The following HMGB1 variants were observed in gnomAD, a reference collection of about 807,000 sequenced individuals.
The protein encoded by HMGB1 is high mobility group protein B1.
For missense variants in HMGB1, 79 were observed against 253.5 expected (o/e 0.31, Z 4.67); for synonymous variants, 81 against 84.0 (o/e 0.96, Z 0.19).
chr13:30,560,716 G>C (rs377659562), intron 1 of HMGB1, among the ~76,000 whole-genome samples: 1 of 152,170 alleles, frequency 6.6e-6, no homozygotes, highest in African/African-American at 2.4e-5. Context: ...AAGAAGAAAG[G>C]ATAGGTTCCC....
At chr13:30,566,314 G>A (rs761886648) in intron 1 of HMGB1, among the ~76,000 whole-genome samples, 10 of 152,102 alleles carry the variant, frequency 6.6e-5, no homozygotes, top group African/African-American at 1.2e-4. Context: ...AGCAGTGGTC[G>A]GCAAACTTTT....
At chr13:30,502,184 C>T (rs532483352) in intron 1 of HMGB1, among the ~76,000 whole-genome samples, 4 of 152,294 alleles carry the variant, frequency 2.6e-5, no homozygotes, top group Non-Finnish European at 4.4e-5. Flanking sequence ...TTATTATGTA[C>T]TCCACTTGGG....
At chr13:30,613,565 GATTT>G (rs1426054116) in intron 1 of HMGB1, among the ~76,000 whole-genome samples, 2 of 152,110 alleles carry the variant, frequency 1.3e-5, no homozygotes, top group African/African-American at 2.4e-5. Flanking sequence ...AGTGTTTAAA[GATTT>G]ATTTGTTTGT....
At chr13:30,572,276 C>T (rs1870468775) in intron 1 of HMGB1, among the ~76,000 whole-genome samples, 1 of 152,154 alleles carries the variant, frequency 6.6e-6, no homozygotes. Flanking sequence ...AACGACATCT[C>T]AGAGATAAAG....
At chr13:30,483,658 G>A (rs999303999) in intron 1 of HMGB1, among the ~76,000 whole-genome samples, 17 of 139,634 alleles carry the variant, frequency 1.2e-4, no homozygotes, top group Non-Finnish European at 1.2e-4. Flanking sequence ...TTTGTCACCA[G>A]GCTGGAGTGC....
intron 1 of HMGB1, among the ~76,000 whole-genome samples, chr13:30,477,247 TG>T (rs1275865168): frequency 1.3e-5 from 2 of 152,154 alleles, no homozygotes; most frequent in Non-Finnish European, 2.9e-5. Flanking sequence ...AAAAGTTTAA[TG>T]AAACAATACC....
chr13:30,603,267 T>A (rs1950420961), intron 1 of HMGB1, among the ~76,000 whole-genome samples: 1 of 152,224 alleles, frequency 6.6e-6, no homozygotes, highest in South Asian at 2.1e-4. Context: ...AATCTGTGTT[T>A]ACAGTCTAGC....
intron 1 of HMGB1, among the ~76,000 whole-genome samples, chr13:30,483,761 G>A (rs1887294260): frequency 6.6e-6 from 1 of 151,594 alleles, no homozygotes; most frequent in African/African-American, 2.4e-5. Flanking sequence ...CCACAGACAC[G>A]CACCACCACA....
At chr13:30,595,103 A>T (rs1288715542) in intron 1 of HMGB1, among the ~76,000 whole-genome samples, 1 of 149,868 alleles carries the variant, frequency 6.7e-6, no homozygotes, top group Non-Finnish European at 1.5e-5. Flanking sequence ...CTCTTCAAAG[A>T]TTACCACCCC....
chr13:30,568,450 G>GT (rs1337572209), intron 1 of HMGB1, among the ~76,000 whole-genome samples: 3 of 152,196 alleles, frequency 2.0e-5, no homozygotes, highest in Non-Finnish European at 4.4e-5. Context: ...CAAGGCTGCA[G>GT]TGAGCTATGA....
Position 30,462,366 on chromosome 13 carries a change from CA to C in HMGB1, c.471+171del, listed in dbSNP as rs564206066. 6.1e-5 allele frequency: 44 copies of C among 720,972 alleles called. 1 individual carries two copies. Among genetic ancestry groups the C allele is most frequent in the South Asian group, 1.7e-4 (12 of 70,424 alleles). The allele number at this position is 720,972 out of a possible 1,614,324, so 44.7% of individuals were successfully genotyped here. On this transcript the variant is annotated intron_variant, in intron 4 of 4. Transcript: ENST00000341423. ...TGTCTGAGTCTGATTACATTTTAGT[CA>C]AAAAAACCCTAATTTATTTGGTCCT... is the stretch of plus-strand genomic sequence containing the variant.
At chr13:30,586,712 T>C (rs1871170476) in intron 1 of HMGB1, among the ~76,000 whole-genome samples, 1 of 152,104 alleles carries the variant, frequency 6.6e-6, no homozygotes, top group Non-Finnish European at 1.5e-5. Context: ...CTTAAACTCC[T>C]GACCTCAGGT....
rs1180360538 is a variant in HMGB1 at position 30,458,692 on chromosome 13, G to C, written c.*2665C>G. On this transcript the variant is annotated 3_prime_UTR_variant, in exon 5 of 5. Transcript: ENST00000341423. ...CTGAGCAATGGTTACAATTCCTTAG[G>C]TAGTAAGGGAAATACCTGTTGAATG... 1.3e-5 allele frequency: 2 copies of C among 152,200 alleles called. No homozygotes were observed. The highest frequency in any genetic ancestry group is 1.5e-5 in the Non-Finnish European group (1 of 68,036). The allele number at this position is 152,200 out of a possible 1,614,324, so 9.4% of individuals were successfully genotyped here. A position where few individuals can be genotyped will look rare whatever the true frequency, so the allele number is the denominator to read the frequency against.
chr13:30,571,851 G>A (rs149714565), intron 1 of HMGB1, among the ~76,000 whole-genome samples: 186 of 152,062 alleles, frequency 1.2e-3, no homozygotes, highest in Admixed American at 2.2e-3. Flanking sequence ...TAATATTTAC[G>A]TTCCTACACT....
intron 1 of HMGB1, among the ~76,000 whole-genome samples, chr13:30,552,048 C>T (rs1254520043): frequency 6.6e-6 from 1 of 152,138 alleles, no homozygotes; most frequent in Non-Finnish European, 1.5e-5. Flanking sequence ...GTGTCCCTCT[C>T]ACAAGCCCAT....
chr13:30,461,190 A>C lies in HMGB1; in HGVS notation c.*167T>G, dbSNP rs1886303219. On this transcript the variant is annotated 3_prime_UTR_variant, in exon 5 of 5. Transcript: ENST00000341423. ...ATACCACCAGGACAGGGCTATCTAA[A>C]GACACATTCGGTAGTGTGTTAACTA... The C allele has an allele frequency of 8.2e-7, 1 of 1,225,444 alleles. No individual in the cohort carries two copies. Among genetic ancestry groups the C allele is most frequent in the African/African-American group, 1.6e-5 (1 of 64,160 alleles). The allele number at this position is 1,225,444 out of a possible 1,614,324, so 75.9% of individuals were successfully genotyped here.
rs1281749991 is a variant in HMGB1 at position 30,538,527 on chromosome 13, T to TCTTTCTTTC, written c.-14-74842_-14-74834dup. 1.2e-4 allele frequency among the ~76,000 whole-genome samples: 17 copies of TCTTTCTTTC among 140,400 alleles called. 2 individuals carry two copies. The highest frequency in any genetic ancestry group is 4.8e-4 in the Admixed American group (7 of 14,454). The allele number at this position is 140,400 out of a possible 152,430, so 92.1% of individuals were successfully genotyped here. On this transcript the variant is annotated intron_variant, in intron 1 of 4. Coordinates refer to the HMGB1 transcript ENST00000405805. ...CTTTCTTTCCTTTCTTTCTTTCCTT[T>TCTTTCTTTC]CTTTCTTTCCTTTCTTTCTTTCTTT...
intron 1 of HMGB1, among the ~76,000 whole-genome samples, chr13:30,513,781 T>C (rs908169527): frequency 3.9e-5 from 6 of 152,146 alleles, no homozygotes; most frequent in African/African-American, 1.4e-4. Flanking sequence ...CTTCTCATGA[T>C]CCAATCACCT....
At chr13:30,598,759 C>G (rs549734129) in intron 1 of HMGB1, among the ~76,000 whole-genome samples, 1 of 152,272 alleles carries the variant, frequency 6.6e-6, no homozygotes, top group Admixed American at 6.5e-5. Flanking sequence ...TGGTCTATTT[C>G]AAATGCTGGG....
Sources: gnomAD v4.1 joint callset for allele counts (sites outside exome capture counted in the v4.1 genomes callset) on GRCh38, gnomAD v4.1.1 for gene constraint, MANE v1.5 for transcripts, NCBI Gene and HGNC (gene_info 2026-07-23, HGNC 2026-07-21) for gene names.